The following SIDT1 variants were observed in gnomAD, a reference collection of about 807,000 sequenced individuals.
SIDT1 encodes the protein SID1 transmembrane family, member 1.
Under a neutral mutation model 107.5 loss-of-function variants are expected in SIDT1, and 101 were observed. The observed-to-expected ratio is 0.94, with a 90% CI of 0.80 to 1.11. SIDT1 has a LOEUF of 1.11. SIDT1 is among the 50% of genes least tolerant of loss of function. The probability of loss-of-function intolerance (pLI) is 0.00; values close to 1 mark genes in which losing one functional copy is unlikely to be tolerated. For missense variants in SIDT1, 1,076 were observed against 1,058.2 expected (o/e 1.02, Z -0.23); for synonymous variants, 395 against 398.2 (o/e 0.99, Z 0.10).
chr3:113,584,276 AG>A (rs1461108512), intron 7 of SIDT1, among the ~76,000 whole-genome samples: 1 of 152,234 alleles, frequency 6.6e-6, no homozygotes, highest in Non-Finnish European at 1.5e-5. Context: ...GTAAACTACA[AG>A]CCCTTTCATG....
intron 23 of SIDT1, among the ~76,000 whole-genome samples, chr3:113,625,328 G>A (rs961151767): frequency 9.9e-5 from 15 of 151,852 alleles, no homozygotes; most frequent in South Asian, 2.1e-4. Flanking sequence ...TAGTAGAGAC[G>A]GGGTTTCACC....
At chr3:113,587,962 G>A (rs1943862844) in intron 9 of SIDT1, among the ~76,000 whole-genome samples, 1 of 152,204 alleles carries the variant, frequency 6.6e-6, no homozygotes, top group South Asian at 2.1e-4. Flanking sequence ...TTTTGCCTTG[G>A]ATGAGTTCCA....
At chr3:113,596,185 C>A (rs1944534076) in intron 10 of SIDT1, among the ~76,000 whole-genome samples, 1 of 152,178 alleles carries the variant, frequency 6.6e-6, no homozygotes, top group Admixed American at 6.5e-5. Flanking sequence ...GGTCTCTGCC[C>A]ACATCATTGT....
chr3:113,601,632 C>A lies in SIDT1; in HGVS notation c.1090C>A (p.Pro364Thr), dbSNP rs1014946344. Reference sequence around the variant, plus strand: ...ATCTCATCCCATTGCTGCCAGCACACCCGAAGGGAGCAATTATGGGACAAT... The same window carrying A: ...ATCTCATCCCATTGCTGCCAGCACAACCGAAGGGAGCAATTATGGGACAAT... ...VASHPIAAST[P>T]EGSNYGTIDE... Residue 364 changes from proline to threonine, a missense_variant, in exon 11 of 25, where the codon CCC becomes ACC. By Grantham distance (38) the Pro-to-Thr change is conservative. Coordinates refer to ENST00000264852, the MANE Select transcript of SIDT1 (RefSeq NM_017699.3). The A allele has an allele frequency of 6.2e-7, 1 of 1,613,866 alleles. No homozygotes were observed. The highest frequency in any genetic ancestry group is 1.3e-5 in the African/African-American group (1 of 75,014).
chr3:113,533,334 G>A (rs890804366), intron 1 of SIDT1, 91 bp downstream of exon 1: 2 of 993,682 alleles, frequency 2.0e-6, no homozygotes, highest in East Asian at 6.6e-5. Context: ...AATTGACCTT[G>A]GGAGACTTCG....
chr3:113,556,152 G>C (rs1028530882), intron 1 of SIDT1, among the ~76,000 whole-genome samples: 3 of 152,156 alleles, frequency 2.0e-5, no homozygotes, highest in Non-Finnish European at 4.4e-5. Context: ...GTAGGTGTTA[G>C]TGCCCAAAAT....
chr3:113,553,521 G>C (rs1030501485), intron 1 of SIDT1, among the ~76,000 whole-genome samples: 1 of 152,270 alleles, frequency 6.6e-6, no homozygotes, highest in Admixed American at 6.5e-5. Flanking sequence ...CTTGAGATCT[G>C]CCTCAAACCA....
chr3:113,627,452 A>G lies in SIDT1; in HGVS notation c.2422-194A>G, dbSNP rs540295409. On this transcript the variant is annotated intron_variant, in intron 24 of 24. Coordinates refer to ENST00000264852, the MANE Select transcript of SIDT1 (RefSeq NM_017699.3). ...AATAGCACATCATAAACCTTCATGAATATTTAATTGACAAATGAATTGTAT... is the reference window on the plus strand; with the variant it reads ...AATAGCACATCATAAACCTTCATGAGTATTTAATTGACAAATGAATTGTAT... 4.6e-5 allele frequency among the ~76,000 whole-genome samples: 7 copies of G among 152,364 alleles called. No individual in the cohort carries two copies. In the East Asian group the frequency reaches 1.3e-3, roughly 29 times the overall value.
rs752980219 is a variant in SIDT1 at position 113,566,428 on chromosome 3, C to T, written c.231C>T (p.Ala77=). The part of the protein sequence containing the change: ...NYTSQPDQVT[A]VRVYVNSSSE... ...TCTACCCTGCCATGCAGGTGACAGCCGTGAGGGTGTATGTGAACAGTTCCT... is the reference window on the plus strand; with the variant it reads ...TCTACCCTGCCATGCAGGTGACAGCTGTGAGGGTGTATGTGAACAGTTCCT... Residue 77 remains alanine (A), a synonymous_variant, in exon 2 of 25, where the codon GCC becomes GCT. Transcript: ENST00000264852. 7.6e-5 allele frequency: 123 copies of T among 1,613,556 alleles called. No homozygotes were observed. The highest frequency in any genetic ancestry group is 1.2e-4 in the African/African-American group (9 of 74,804).
intron 1 of SIDT1, among the ~76,000 whole-genome samples, chr3:113,563,765 A>G (rs1941654837): frequency 6.6e-6 from 1 of 152,316 alleles, no homozygotes; most frequent in South Asian, 2.1e-4. Flanking sequence ...AAATTTTGAA[A>G]CAATTGAAAA....
At chr3:113,575,615 T>C (rs1034810151) in intron 3 of SIDT1, among the ~76,000 whole-genome samples, 1 of 152,220 alleles carries the variant, frequency 6.6e-6, no homozygotes, top group Non-Finnish European at 1.5e-5. Flanking sequence ...AAATTACATC[T>C]ATTGTTGCGA....
chr3:113,578,138 C>G (rs1035028063), intron 4 of SIDT1, among the ~76,000 whole-genome samples: 2 of 152,158 alleles, frequency 1.3e-5, no homozygotes, highest in Admixed American at 6.5e-5. Flanking sequence ...TTTAAAAGCA[C>G]TAATTACTAG....
At chr3:113,603,199 A>G (rs754915764) in intron 12 of SIDT1, 49 bp downstream of exon 12, 2 of 1,563,440 alleles carry the variant, frequency 1.3e-6, no homozygotes, top group Non-Finnish European at 1.7e-6. Context: ...AAAGTTTGGC[A>G]GTAGAATAAA....
chr3:113,578,874 A>T lies in SIDT1; in HGVS notation c.562-1734A>T, dbSNP rs545123058. On this transcript the variant is annotated intron_variant, in intron 4 of 24. Transcript: ENST00000264852. ...TATCTCTGAAAAAAAAATTTAAATA[A>T]TTTGTATTTAAACCCCAAAATGGAG... Among the ~76,000 whole-genome samples the T allele has an allele frequency of 4.5e-4, 68 of 152,272 alleles. No individual in the cohort carries two copies. The South Asian group carries it at 0.014, about 31-fold the overall frequency.
chr3:113,550,115 C>T (rs1299901106), intron 1 of SIDT1, among the ~76,000 whole-genome samples: 1 of 152,178 alleles, frequency 6.6e-6, no homozygotes, highest in Non-Finnish European at 1.5e-5. Flanking sequence ...TCACCATTCC[C>T]AACCTTCACT....
intron 4 of SIDT1, among the ~76,000 whole-genome samples, chr3:113,579,814 T>C (rs1943191348): frequency 1.3e-5 from 2 of 152,174 alleles, no homozygotes; most frequent in South Asian, 4.1e-4. Context: ...TCTCAATCAG[T>C]TATCGTATTT....
chr3:113,617,623 C>T (rs1326763082), intron 20 of SIDT1, among the ~76,000 whole-genome samples: 1 of 152,174 alleles, frequency 6.6e-6, no homozygotes, highest in East Asian at 1.9e-4. Flanking sequence ...AGGGTTTATT[C>T]AGGTAAGAAT....
intron 1 of SIDT1, among the ~76,000 whole-genome samples, chr3:113,533,463 G>C (rs916089305): frequency 1.3e-5 from 2 of 152,206 alleles, no homozygotes; most frequent in African/African-American, 4.8e-5. Flanking sequence ...GCCTGGTCAA[G>C]GGCATTGCTG....
chr3:113,539,794 T>G (rs1576688413), intron 1 of SIDT1, among the ~76,000 whole-genome samples: 14 of 152,094 alleles, frequency 9.2e-5, no homozygotes, highest in African/African-American at 3.4e-4. Flanking sequence ...CCTGAGGTCA[T>G]GAGTTCGAGA....
Sources: gnomAD v4.1 joint callset for allele counts (sites outside exome capture counted in the v4.1 genomes callset) on GRCh38, gnomAD v4.1.1 for gene constraint, MANE v1.5 for transcripts, NCBI Gene and HGNC (gene_info 2026-07-23, HGNC 2026-07-21) for gene names.